The following SLC26A7 variants were observed in gnomAD, a reference collection of about 807,000 sequenced individuals.
SLC26A7 encodes the protein anion exchange transporter.
A neutral mutation model predicts 82.5 loss-of-function variants in SLC26A7; 59 were observed. That is an observed-to-expected ratio of 0.72 (90% confidence interval 0.58 to 0.89). SLC26A7 has a LOEUF of 0.89. Among genes scored for constraint, SLC26A7 ranks in the 40% least tolerant of loss-of-function variants. SLC26A7 has a pLI of 0.00. For missense variants in SLC26A7, 820 were observed against 793.0 expected, an observed-to-expected ratio of 1.03 and a Z score of -0.41; for synonymous variants, 271 against 274.3, an observed-to-expected ratio of 0.99 and a Z score of 0.12.
chr8:91,304,625 G>C (rs1812253774), intron 4 of SLC26A7, among the ~76,000 whole-genome samples: 1 of 152,120 alleles, frequency 6.6e-6, no homozygotes, highest in Non-Finnish European at 1.5e-5. Context: ...TTGTAATTAG[G>C]AATTAACACA....
chr8:91,390,277 C>T (rs551361759), intron 16 of SLC26A7, among the ~76,000 whole-genome samples: 2 of 151,954 alleles, frequency 1.3e-5, no homozygotes, highest in East Asian at 2.0e-4. Flanking sequence ...CCACCACGCC[C>T]GGCTATTTTT....
At chr8:91,262,800 G>A (rs1811004834) in intron 2 of SLC26A7, among the ~76,000 whole-genome samples, 1 of 151,912 alleles carries the variant, frequency 6.6e-6, no homozygotes, top group African/African-American at 2.4e-5. Context: ...ACTATAAAAT[G>A]TTTAATATTT....
chr8:91,211,617 T>TAA (rs1491299767), intron 1 of SLC26A7, among the ~76,000 whole-genome samples: 1 of 119,700 alleles, frequency 8.4e-6, no homozygotes, highest in Non-Finnish European at 1.7e-5. Flanking sequence ...TATATATATA[T>TAA]TTTTTTTTTA....
intron 15 of SLC26A7, among the ~76,000 whole-genome samples, chr8:91,379,806 A>G (rs1404769670): frequency 1.3e-5 from 2 of 152,062 alleles, no homozygotes; most frequent in African/African-American, 4.8e-5. Context: ...AAACTTCACT[A>G]TATTATTTTT....
intron 2 of SLC26A7, among the ~76,000 whole-genome samples, chr8:91,240,637 T>C (rs1489888906): frequency 1.3e-5 from 2 of 152,186 alleles, no homozygotes; most frequent in Non-Finnish European, 2.9e-5. Context: ...ACAAATAAGC[T>C]TGAGCACAGC....
chr8:91,330,195 G>A (rs573034105), intron 5 of SLC26A7, among the ~76,000 whole-genome samples: 2 of 152,170 alleles, frequency 1.3e-5, no homozygotes, highest in South Asian at 2.1e-4. Flanking sequence ...GATAGCCTGC[G>A]TTATGCTAAT....
chr8:91,255,045 C>A (rs1810763105), intron 2 of SLC26A7, among the ~76,000 whole-genome samples: 1 of 152,100 alleles, frequency 6.6e-6, no homozygotes, highest in South Asian at 2.1e-4. Context: ...GAAAGAGATT[C>A]TCTGTTTCCA....
intron 5 of SLC26A7, among the ~76,000 whole-genome samples, chr8:91,330,343 C>T (rs1361736076): frequency 2.0e-5 from 3 of 152,074 alleles, no homozygotes; most frequent in Non-Finnish European, 4.4e-5. Context: ...GCATTTGATC[C>T]TTGGGCCAGA....
At chr8:91,279,125 G>GTGTGTGTATATATA (rs1382744780) in intron 2 of SLC26A7, among the ~76,000 whole-genome samples, 2 of 111,260 alleles carry the variant, frequency 1.8e-5, no homozygotes, top group African/African-American at 7.1e-5. Context: ...GTGTGTGTGT[G>GTGTGTGTATATATA]TATATATATA....
rs982362185 is a variant in SLC26A7 at position 91,397,234 on chromosome 8, A to G, written c.*2137A>G. The G allele has an allele frequency of 7.9e-5, 12 of 152,128 alleles. No homozygotes were observed. Among genetic ancestry groups the G allele is most frequent in the Non-Finnish European group, 1.6e-4 (11 of 67,948 alleles). 9.4% of individuals were successfully genotyped at this position (152,128 alleles called of 1,614,324 possible). ...CTTTGTTTTAAGACTTCCACACACCAAGGCTACAATGACTGTTAACCTGGA... is the reference window on the plus strand; with the variant it reads ...CTTTGTTTTAAGACTTCCACACACCGAGGCTACAATGACTGTTAACCTGGA... On this transcript the variant is annotated 3_prime_UTR_variant, in exon 19 of 19. Coordinates refer to ENST00000276609, the MANE Select transcript of SLC26A7 (RefSeq NM_052832.4).
At chr8:91,302,329 A>C (rs1812188885) in intron 4 of SLC26A7, among the ~76,000 whole-genome samples, 1 of 152,046 alleles carries the variant, frequency 6.6e-6, no homozygotes, top group Non-Finnish European at 1.5e-5. Context: ...ATGGAATTGT[A>C]GTGGTTTAAT....
At chr8:91,328,933 C>G (rs2130822890) in intron 5 of SLC26A7, among the ~76,000 whole-genome samples, 1 of 152,182 alleles carries the variant, frequency 6.6e-6, no homozygotes, top group South Asian at 2.1e-4. Flanking sequence ...TAAATTTAAA[C>G]AACCAATATT....
At chr8:91,221,129 GC>G (rs748642478) in intron 2 of SLC26A7, among the ~76,000 whole-genome samples, 18 of 152,162 alleles carry the variant, frequency 1.2e-4, no homozygotes, top group African/African-American at 2.4e-5. Context: ...GTGATGTTGA[GC>G]TTTTCTTCAT....
chr8:91,310,591 G>A (rs1426115013), intron 4 of SLC26A7, among the ~76,000 whole-genome samples: 2 of 152,188 alleles, frequency 1.3e-5, no homozygotes, highest in Non-Finnish European at 2.9e-5. Context: ...GATCTCAAGA[G>A]TTAAGCGAGT....
chr8:91,295,749 A>G, intron 4 of SLC26A7, 46 bp downstream of exon 4: 1 of 1,568,756 alleles, frequency 6.4e-7, no homozygotes, highest in Non-Finnish European at 8.7e-7. Flanking sequence ...ACACAGCGGC[A>G]CAGGGAAGGC....
intron 2 of SLC26A7, among the ~76,000 whole-genome samples, chr8:91,234,823 A>T (rs1381169682): frequency 0.01 from 745 of 74,214 alleles, 7 homozygotes; most frequent in African/African-American, 0.035. Context: ...CTACCTACCT[A>T]CCTACTTCCT....
chr8:91,228,827 TAAAATGTTTTAA>T, intron 2 of SLC26A7, among the ~76,000 whole-genome samples: 1 of 152,324 alleles, frequency 6.6e-6, no homozygotes, highest in East Asian at 1.9e-4. Flanking sequence ...AAAGTGCGTT[TAAAATGTTTTAA>T]AACCGACCAA....
chr8:91,369,416 G>C (rs188514985), intron 14 of SLC26A7, among the ~76,000 whole-genome samples: 1 of 150,284 alleles, frequency 6.7e-6, no homozygotes, highest in South Asian at 2.2e-4. Context: ...TAGTATATAT[G>C]ATCAGTGGTT....
chr8:91,274,008 TTAACTTTGGATG>T (rs1176411239), intron 2 of SLC26A7, among the ~76,000 whole-genome samples: 1 of 152,180 alleles, frequency 6.6e-6, no homozygotes, highest in Non-Finnish European at 1.5e-5. Context: ...ATCTCGGTTT[TTAACTTTGGATG>T]TATCACTTGA....
Sources: gnomAD v4.1 joint callset for allele counts (sites outside exome capture counted in the v4.1 genomes callset) on GRCh38, gnomAD v4.1.1 for gene constraint, MANE v1.5 for transcripts, NCBI Gene and HGNC (gene_info 2026-07-23, HGNC 2026-07-21) for gene names.